VWF: variants seen among roughly 807,000 people sequenced by gnomAD.
The protein encoded by VWF is von Willebrand factor.
Under a neutral mutation model 308.6 loss-of-function variants are expected in VWF, and 176 were observed. The ratio of observed to expected loss-of-function variants is 0.57; its 90% CI spans 0.50 to 0.65. The LOEUF (loss-of-function observed/expected upper bound fraction) is 0.65, where lower values mean the gene tolerates loss of function less well. VWF is among the 30% of genes least tolerant of loss of function. The probability of loss-of-function intolerance (pLI) is 0.00; values close to 1 mark genes in which losing one functional copy is unlikely to be tolerated. For missense variants in VWF, 3,146 were observed against 3,648.2 expected (o/e 0.86, Z 3.55); for synonymous variants, 1,385 against 1,443.4 (o/e 0.96, Z 0.92).
In VWF at chr12:6,094,596, G is replaced by A. The variant is rs149760587; in HGVS notation, c.657+864C>T. Among the ~76,000 whole-genome samples, 408 of 152,334 alleles carry A rather than the reference G, an allele frequency of 2.7e-3. 2 individuals carry two copies. The highest frequency in any genetic ancestry group is 7.3e-3 in the African/African-American group (302 of 41,580). On this transcript the variant is annotated intron_variant, in intron 6 of 51. Coordinates refer to ENST00000261405, the MANE Select transcript of VWF (RefSeq NM_000552.5). ...CATGTGTTGGAACCTAAACCCCAAA[G>A]TGACGCTATTAAAAGGTGGCGCCTT...
chr12:6,031,912 A>G (rs1944268226), intron 20 of VWF, among the ~76,000 whole-genome samples: 1 of 152,168 alleles, frequency 6.6e-6, no homozygotes, highest in Non-Finnish European at 1.5e-5. Flanking sequence ...AGCCCATTAG[A>G]GTCCCACTGG....
chr12:5,974,116 G>A (rs752401896), intron 43 of VWF, among the ~76,000 whole-genome samples: 41 of 152,208 alleles, frequency 2.7e-4, no homozygotes, highest in Middle Eastern at 3.4e-3. Context: ...CACATGGACC[G>A]GCATATATGA....
chr12:5,991,929 G>A lies in VWF; in HGVS notation c.6688C>T (p.His2230Tyr). Residue 2230 changes from histidine (H) to tyrosine (Y), a missense_variant, in exon 38 of 52, where the codon CAT becomes TAT. Physicochemically the swap from His to Tyr is moderately conservative, Grantham distance 83 (BLOSUM62 2). This residue lies in a region of VWF where 989 missense variants were observed against 1,117.4 expected (regional missense o/e 0.89). Transcript: ENST00000261405. Reference sequence around the variant, plus strand: ...GGGCAGAAACAGCCTTCGGAGGGATGGTCCCCACAGGAGCTCACGTTGCCA... The same window carrying A: ...GGGCAGAAACAGCCTTCGGAGGGATAGTCCCCACAGGAGCTCACGTTGCCA... ...CDGNVSSCGD[H>Y]PSEGCFCPPD... 1 of 1,614,180 alleles carries A rather than the reference G, an allele frequency of 6.2e-7. No homozygotes were observed. The highest frequency in any genetic ancestry group is 1.6e-4 in the Middle Eastern group (1 of 6,062).
intron 3 of VWF, among the ~76,000 whole-genome samples, chr12:6,112,618 G>A (rs1945319895): frequency 6.6e-6 from 1 of 152,194 alleles, no homozygotes; most frequent in Non-Finnish European, 1.5e-5. Flanking sequence ...ATAGGGGAGT[G>A]TGGGCTTCTT....
intron 21 of VWF, among the ~76,000 whole-genome samples, chr12:6,030,921 A>G (rs1944254536): frequency 6.6e-6 from 1 of 152,068 alleles, no homozygotes; most frequent in Non-Finnish European, 1.5e-5. Flanking sequence ...CCCAGCTACT[A>G]AGGAGGCTGA....
At position 6,023,762 on chromosome 12, in the gene VWF, A is replaced by G. The variant is rs1944159118; in HGVS notation, c.3248T>C (p.Val1083Ala). The change falls in exon 25 of 52, where the codon GTC becomes GCC. Residue 1083 changes from valine to alanine, a missense_variant. This residue lies in a region of VWF where 853 missense variants were observed against 1,177.8 expected (regional missense o/e 0.72). Transcript: ENST00000261405. ...ACAGGAGCAGGTGTCGTAAATGCAG[A>G]CATCCAGATATGGCTCGGGGTCCAC... ...KLVDPEPYLDVCIYDTCSCES... is the reference protein window; with the variant it reads ...KLVDPEPYLDACIYDTCSCES... 1 of 1,612,488 alleles carries G rather than the reference A, an allele frequency of 6.2e-7. No homozygotes were observed. The highest frequency in any genetic ancestry group is 1.4e-5 in the African/African-American group (1 of 73,652).
In VWF at chr12:6,019,488, G is replaced by A; in HGVS notation, c.3930C>T (p.Ser1310=). The A allele has an allele frequency of 6.2e-7, 1 of 1,613,948 alleles. No homozygotes were observed. Among genetic ancestry groups the A allele is most frequent in the Non-Finnish European group, 8.5e-7 (1 of 1,179,860 alleles). ...CCACGGCCACGCGGACCCACTTCTGGGAGATGCGCAGCCGCTCCATCATGT... is the reference window on the plus strand; with the variant it reads ...CCACGGCCACGCGGACCCACTTCTGAGAGATGCGCAGCCGCTCCATCATGT... ...VVDMMERLRI[S]QKWVRVAVVE... Residue 1310 remains serine (S), a synonymous_variant, in exon 28 of 52, where the codon TCC becomes TCT. Coordinates refer to ENST00000261405, the MANE Select transcript of VWF (RefSeq NM_000552.5). This position sits in a 1 kb window ranked among gnomAD's most constrained non-coding sequence, Gnocchi z 5.8.
intron 38 of VWF, 138 bp downstream of exon 38, chr12:5,991,681 G>T: frequency 1.2e-6 from 1 of 869,542 alleles, no homozygotes; most frequent in Non-Finnish European, 1.9e-6. Flanking sequence ...ACACAATACT[G>T]CCTCCCTATC....
chr12:5,980,851 T>C (rs192114728), intron 42 of VWF, among the ~76,000 whole-genome samples: 143 of 152,362 alleles, frequency 9.4e-4, no homozygotes, highest in Middle Eastern at 3.4e-3. Context: ...GCTATAACTA[T>C]GCTCAGGTCT....
chr12:5,953,541 C>T lies in VWF; in HGVS notation c.7941G>A (p.Thr2647=), dbSNP rs748920233. The change falls in exon 48 of 52, where the codon ACG becomes ACA. Residue 2647 remains threonine, a synonymous_variant. Coordinates refer to ENST00000261405, the MANE Select transcript of VWF (RefSeq NM_000552.5). The part of the protein sequence containing the change: ...TGECCGRCLP[T]ACTIQLRGGQ... ...CTCCTCTTAGCTGAATGGTGCAAGC[C>T]GTAGGCAAACATCTCCCACAACATT... The T allele has an allele frequency of 6.6e-5, 106 of 1,614,002 alleles. 1 individual carries two copies. The highest frequency in any genetic ancestry group is 1.6e-4 in the Middle Eastern group (1 of 6,084).
At chr12:6,048,405 A>T (rs994518244) in intron 16 of VWF, among the ~76,000 whole-genome samples, 1 of 151,520 alleles carries the variant, frequency 6.6e-6, no homozygotes, top group Non-Finnish European at 1.5e-5. Flanking sequence ...TGACCTTGTG[A>T]TCTACCCGCC....
intron 5 of VWF, chr12:6,095,788 C>T: frequency 1.6e-6 from 1 of 643,250 alleles, no homozygotes; most frequent in South Asian, 1.8e-5. Flanking sequence ...GGAGTTTTGA[C>T]TTGACCCATC....
chr12:6,020,667 C>T lies in VWF; in HGVS notation c.3675-924G>A, dbSNP rs1370229347. 2.0e-5 allele frequency among the ~76,000 whole-genome samples: 3 copies of T among 152,248 alleles called. No homozygotes were observed. The highest frequency in any genetic ancestry group is 7.2e-5 in the African/African-American group (3 of 41,464). On this transcript the variant is annotated intron_variant, in intron 27 of 51. Transcript: ENST00000261405. This position sits in a 1 kb window ranked among gnomAD's most constrained non-coding sequence, Gnocchi z 4.3. ...TGGTGGAGACCAATATGGGCCAGGA[C>T]CATCTCCTCTTTGGACTCTCAGCCT...
At position 6,013,647 on chromosome 12, in the gene VWF, T is replaced by A. The variant is rs1251888585; in HGVS notation, c.5456-2A>T. On this transcript the variant is annotated splice_acceptor_variant, in intron 31 of 51. Transcript: ENST00000261405. LOFTEE classifies it high-confidence loss of function. ...TTCCAATAGGGAACACTGTCACTCC[T>A]AGAGTTAGCAAAGAGACAAGAAAGG... The A allele has an allele frequency of 6.2e-7, 1 of 1,612,774 alleles. No individual in the cohort carries two copies. Among genetic ancestry groups the A allele is most frequent in the South Asian group, 1.1e-5 (1 of 91,016 alleles).
chr12:6,110,433 G>C lies in VWF; in HGVS notation c.473C>G (p.Thr158Ser). The change falls in exon 5 of 52, where the codon ACC becomes AGC. Residue 158 changes from threonine (T) to serine (S), a missense_variant. By Grantham distance (58) the Thr-to-Ser change is moderately conservative (BLOSUM62 1). Coordinates refer to ENST00000261405, the MANE Select transcript of VWF (RefSeq NM_000552.5). Reference protein sequence around the residue: ...VLLSDRYFNKTCGLCGNFNIF... With the variant: ...VLLSDRYFNKSCGLCGNFNIF... The stretch of plus-strand genomic sequence containing the variant: ...GTTAAAGTTGCCACACAGCCCGCAG[G>C]TCTTGTTGAAGTATCTGTCTGACAG... 1 of 1,614,192 alleles carries C rather than the reference G, an allele frequency of 6.2e-7. No homozygotes were observed. Among genetic ancestry groups the C allele is most frequent in the Middle Eastern group, 1.6e-4 (1 of 6,062 alleles).
intron 20 of VWF, among the ~76,000 whole-genome samples, chr12:6,033,603 G>A (rs998286647): frequency 2.6e-5 from 4 of 152,214 alleles, no homozygotes; most frequent in Admixed American, 6.5e-5. Context: ...CTAAAGGGGC[G>A]CATATCCCCC....
Position 6,025,564 on chromosome 12 carries a change from C to A in VWF, c.3222+16G>T. ...CCTTGGGACCGTCTGCTTCCCACTA[C>A]CCTCAAGGTCCTCACCAGCTTGTTG... On this transcript the variant is annotated intron_variant, in intron 24 of 51. Transcript: ENST00000261405. 6.7e-7 allele frequency: 1 copy of A among 1,485,448 alleles called. No individual in the cohort carries two copies. Among genetic ancestry groups the A allele is most frequent in the South Asian group, 1.1e-5 (1 of 88,066 alleles). 92.0% of individuals were successfully genotyped at this position (1,485,448 alleles called of 1,614,324 possible).
At chr12:6,085,537 G>A (rs1944958757) in intron 6 of VWF, among the ~76,000 whole-genome samples, 1 of 152,192 alleles carries the variant, frequency 6.6e-6, no homozygotes, top group South Asian at 2.1e-4. Flanking sequence ...CTGAGAAATA[G>A]TTCGTTAAAG....
intron 13 of VWF, among the ~76,000 whole-genome samples, chr12:6,059,879 G>A (rs528170704): frequency 2.2e-4 from 34 of 152,336 alleles, no homozygotes; most frequent in African/African-American, 7.2e-4. Flanking sequence ...TGCAATGCCC[G>A]CAGTCAGGGC....
Sources: gnomAD v4.1 joint callset for allele counts (sites outside exome capture counted in the v4.1 genomes callset) on GRCh38, gnomAD v4.1.1 for gene constraint, gnomAD v4.1.1 regional missense constraint, Gnocchi (gnomAD v3.1) non-coding constraint, MANE v1.5 for transcripts, NCBI Gene and HGNC (gene_info 2026-07-23, HGNC 2026-07-21) for gene names.